Variants in SNX29 observed in about 807,000 individuals in gnomAD.
SNX29 encodes sorting nexin 29, also known as sorting nexin-29.
SNX29 carries 78 observed loss-of-function variants against 102.1 expected under a neutral mutation model. The observed-to-expected ratio is 0.76, with a 90% CI of 0.64 to 0.92. The LOEUF (loss-of-function observed/expected upper bound fraction) is 0.92, where lower values mean the gene tolerates loss of function less well. Ranked by LOEUF, SNX29 falls within the 40% of genes least tolerant of loss-of-function variation. The pLI is 0.00. For synonymous variants in SNX29, 580 were observed against 414.5 expected, an observed-to-expected ratio of 1.40 and a Z score of -4.85; for missense variants, 1,280 against 1,061.7, an observed-to-expected ratio of 1.21 and a Z score of -2.86.
chr16:12,320,734 C>A (rs1446300843), intron 15 of SNX29, among the ~76,000 whole-genome samples: 4 of 152,162 alleles, frequency 2.6e-5, no homozygotes, highest in Non-Finnish European at 5.9e-5. Flanking sequence ...GATAAGAGAA[C>A]AACATCACCA....
rs931291015 is a variant in SNX29 at position 12,013,792 on chromosome 16, A to C, written c.122+10749A>C. Among the ~76,000 whole-genome samples, 4 of 150,022 alleles carry C rather than the reference A, an allele frequency of 2.7e-5. No homozygotes were observed. The South Asian group carries it at 6.3e-4, about 24-fold the overall frequency. On this transcript the variant is annotated intron_variant, in intron 3 of 20. Transcript: ENST00000566228. ...CCCGAGTAGCTGGGATTACAGGTAC[A>C]TGCCGCCATACCCGGCTAATTTTTT...
At chr16:12,435,937 C>T (rs1369798299) in intron 18 of SNX29, among the ~76,000 whole-genome samples, 2 of 152,164 alleles carry the variant, frequency 1.3e-5, no homozygotes, top group Non-Finnish European at 2.9e-5. Flanking sequence ...GGAACAGCGA[C>T]GCCACACACG....
intron 13 of SNX29, among the ~76,000 whole-genome samples, chr16:12,157,195 AC>A (rs796208652): frequency 3.3e-5 from 5 of 152,066 alleles, no homozygotes; most frequent in African/African-American, 1.2e-4. Context: ...ACCAACATCC[AC>A]CCCCCATAGG....
chr16:11,985,656 C>T (rs899611746), intron 1 of SNX29, among the ~76,000 whole-genome samples: 1 of 152,074 alleles, frequency 6.6e-6, no homozygotes, highest in Non-Finnish European at 1.5e-5. Context: ...AGTCTGGAGC[C>T]TGTGGCTGGG....
chr16:12,549,006 G>T (rs760349711), intron 20 of SNX29, among the ~76,000 whole-genome samples: 24 of 152,222 alleles, frequency 1.6e-4, no homozygotes, highest in Non-Finnish European at 3.1e-4. Flanking sequence ...TGGGTCCGTT[G>T]TAACAGCATA....
At position 12,371,584 on chromosome 16, in the gene SNX29, C is replaced by T. The variant is rs569918900; in HGVS notation, c.1899+15305C>T. Among the ~76,000 whole-genome samples, 356 of 152,292 alleles carry T rather than the reference C, an allele frequency of 2.3e-3. 2 individuals are homozygous for T. The highest frequency in any genetic ancestry group is 3.5e-3 in the Non-Finnish European group (237 of 68,018). ...CCTCCCAAAGTGCTGGGATTATAGG[C>T]GTGAGCCACTGCACCCAGCCAGATT... is the stretch of plus-strand genomic sequence containing the variant. On this transcript the variant is annotated intron_variant, in intron 16 of 20. Coordinates refer to ENST00000566228, the MANE Select transcript of SNX29 (RefSeq NM_032167.5).
intron 14 of SNX29, among the ~76,000 whole-genome samples, chr16:12,253,261 A>G (rs191353130): frequency 3.3e-5 from 5 of 152,244 alleles, no homozygotes; most frequent in Admixed American, 2.6e-4. Context: ...GCACCTTTCA[A>G]TACTGTGTTT....
chr16:12,203,228 C>A (rs116240579), intron 14 of SNX29, among the ~76,000 whole-genome samples: 1 of 150,776 alleles, frequency 6.6e-6, no homozygotes. Flanking sequence ...GCCCCACTCT[C>A]GGGTGGACTG....
intron 15 of SNX29, among the ~76,000 whole-genome samples, chr16:12,280,313 T>A (rs539201286): frequency 1.3e-5 from 2 of 152,268 alleles, no homozygotes; most frequent in East Asian, 3.9e-4. Context: ...CCGCTTTGCT[T>A]TGACCATGTG....
chr16:12,457,500 G>C (rs1043101052), intron 18 of SNX29, among the ~76,000 whole-genome samples: 1 of 152,180 alleles, frequency 6.6e-6, no homozygotes, highest in African/African-American at 2.4e-5. Flanking sequence ...GCCTTGTCTA[G>C]AGCCTGAGCT....
intron 4 of SNX29, among the ~76,000 whole-genome samples, chr16:12,036,330 C>CT (rs1290796143): frequency 2.0e-4 from 23 of 117,658 alleles, no homozygotes; most frequent in Non-Finnish European, 2.8e-4. Flanking sequence ...GTTTTTCTTT[C>CT]TTTCTTTTTT....
chr16:12,437,483 G>A (rs1006701241), intron 18 of SNX29, among the ~76,000 whole-genome samples: 7 of 152,220 alleles, frequency 4.6e-5, no homozygotes, highest in African/African-American at 7.2e-5. Flanking sequence ...TGGCCTTTGC[G>A]GAGGACAGGT....
At chr16:12,472,763 C>T (rs1265929523) in intron 18 of SNX29, among the ~76,000 whole-genome samples, 5 of 151,850 alleles carry the variant, frequency 3.3e-5, no homozygotes, top group African/African-American at 1.2e-4. Context: ...GCATTTTTTT[C>T]TCCCCTTAAC....
At chr16:12,326,578 C>G (rs1055002105) in intron 15 of SNX29, among the ~76,000 whole-genome samples, 5 of 152,072 alleles carry the variant, frequency 3.3e-5, no homozygotes, top group East Asian at 1.9e-4. Context: ...GGATTGTGTT[C>G]CAAGAAAACT....
intron 2 of SNX29, among the ~76,000 whole-genome samples, chr16:12,002,504 T>G (rs1216772566): frequency 6.6e-6 from 1 of 151,668 alleles, no homozygotes; most frequent in Non-Finnish European, 1.5e-5. Context: ...CAGTAAATTG[T>G]CATTCCGCAC....
intron 18 of SNX29, among the ~76,000 whole-genome samples, chr16:12,408,554 C>A (rs1010988572): frequency 1.3e-5 from 2 of 152,240 alleles, no homozygotes; most frequent in Non-Finnish European, 2.9e-5. Context: ...GGTGCAGTGG[C>A]CCATGCCTGT....
chr16:12,228,088 C>A (rs1219225451), intron 14 of SNX29, among the ~76,000 whole-genome samples: 1 of 151,992 alleles, frequency 6.6e-6, no homozygotes, highest in African/African-American at 2.4e-5. Flanking sequence ...CCAGACTGGG[C>A]AACACAGTTG....
chr16:12,403,255 T>TGTGTGTGTGTGTGTGTGG, intron 17 of SNX29, among the ~76,000 whole-genome samples, 193 bp from the exon 18 acceptor site: 1 of 101,032 alleles, frequency 9.9e-6, no homozygotes, highest in African/African-American at 4.2e-5. Context: ...TGTGTGTGTG[T>TGTGTGTGTGTGTGTGTGG]AGAGAGAGAC....
chr16:12,571,262 A>G lies in SNX29; in HGVS notation c.*2633A>G, dbSNP rs2079181625. ...GAGCAGAAACACCCAGGCCTAGCAG[A>G]ATTGTGGCTGAAACCTGGTGCCCAA... On this transcript the variant is annotated 3_prime_UTR_variant, in exon 21 of 21. Coordinates refer to ENST00000566228, the MANE Select transcript of SNX29 (RefSeq NM_032167.5). The G allele has an allele frequency of 4.3e-6, 1 of 232,014 alleles. No homozygotes were observed. Among genetic ancestry groups the G allele is most frequent in the Admixed American group, 5.6e-5 (1 of 17,742 alleles). The allele number at this position is 232,014 out of a possible 1,614,324, so 14.4% of individuals were successfully genotyped here.
Sources: allele counts gnomAD v4.1 joint callset (sites outside exome capture counted in the v4.1 genomes callset), GRCh38; gene constraint gnomAD v4.1.1; transcripts MANE v1.5; gene names NCBI Gene and HGNC (gene_info 2026-07-23, HGNC 2026-07-21).